The following PRRT3 variants were observed in gnomAD, a reference collection of about 807,000 sequenced individuals.
PRRT3 encodes proline-rich transmembrane protein 3.
A neutral mutation model predicts 56.6 loss-of-function variants in PRRT3; 48 were observed. The observed-to-expected ratio is 0.85, with a 90% confidence interval of 0.67 to 1.08. The LOEUF is 1.08. Ranked by LOEUF, PRRT3 falls within the 50% of genes least tolerant of loss-of-function variation. The pLI, the probability that PRRT3 is intolerant of heterozygous loss-of-function variation, is 0.00. For synonymous variants in PRRT3, 641 were observed against 619.1 expected (o/e 1.04, Z -0.52); for missense variants, 1,370 against 1,353.1 (o/e 1.01, Z -0.20).
Position 9,947,147 on chromosome 3 carries a change from A to C in PRRT3, c.2026T>G (p.Trp676Gly). 1 of 1,537,404 alleles carries C rather than the reference A, an allele frequency of 6.5e-7. No individual in the cohort carries two copies. Among genetic ancestry groups the C allele is most frequent in the Non-Finnish European group, 8.7e-7 (1 of 1,147,382 alleles). The change falls in exon 4 of 4, where the codon TGG becomes GGG. Residue 676 changes from tryptophan to glycine, a missense_variant. Coordinates refer to ENST00000412055, the MANE Select transcript of PRRT3 (RefSeq NM_207351.5). The surrounding 1 kb of genome is among the most constrained non-coding windows in gnomAD (Gnocchi z 9.2). Reference sequence around the variant, plus strand: ...AGGCGCAGCCAGAAGTGGACACCCCACCAGGCCCACGAGAAGCGGCCCACG... The same window carrying C: ...AGGCGCAGCCAGAAGTGGACACCCCCCCAGGCCCACGAGAAGCGGCCCACG... ...GRVGRFSWAW[W>G]GVHFWLRLLE...
chr3:9,947,556 C>A lies in PRRT3; in HGVS notation c.1617G>T (p.Val539=). The change falls in exon 4 of 4, where the codon GTG becomes GTT. Residue 539 remains valine, a synonymous_variant. Coordinates refer to ENST00000412055, the MANE Select transcript of PRRT3 (RefSeq NM_207351.5). This position sits in a 1 kb window ranked among gnomAD's most constrained non-coding sequence, Gnocchi z 9.2. ...GCAAGGGGAAGGGCAGGTTGTAGAG[C>A]ACCAGGCCCCCGCGAACGCCCAGCC... is the stretch of plus-strand genomic sequence containing the variant. ...QARLGVRGGL[V]LYNLPFPLLL... 2 of 1,609,244 alleles carry A rather than the reference C, an allele frequency of 1.2e-6. No individual in the cohort carries two copies. Among genetic ancestry groups the A allele is most frequent in the South Asian group, 2.2e-5 (2 of 90,838 alleles).
Position 9,947,439 on chromosome 3 carries a change from C to T in PRRT3, c.1734G>A (p.Ala578=), listed in dbSNP as rs1301811811. 1 of 1,612,406 alleles carries T rather than the reference C, an allele frequency of 6.2e-7. No homozygotes were observed. Among genetic ancestry groups the T allele is most frequent in the East Asian group, 2.2e-5 (1 of 44,876 alleles). ...LQNPLLLGAV[A]LVHGVGLLAT... ...CGAGCAACCCTACACCATGCACCAG[C>T]GCCACTGCTCCCAGCAGGAGTGGGT... The change falls in exon 4 of 4, where the codon GCG becomes GCA. Residue 578 remains alanine (A), a synonymous_variant. Coordinates refer to ENST00000412055, the MANE Select transcript of PRRT3 (RefSeq NM_207351.5). The surrounding 1 kb of genome is among the most constrained non-coding windows in gnomAD (Gnocchi z 9.2).
rs376873251 is a variant in PRRT3 at position 9,949,221 on chromosome 3, C to G, written c.895G>C (p.Glu299Gln). 1.2e-5 allele frequency: 20 copies of G among 1,605,894 alleles called. No homozygotes were observed. Among genetic ancestry groups the G allele is most frequent in the Non-Finnish European group, 1.6e-5 (19 of 1,176,316 alleles). The change falls in exon 2 of 4, where the codon GAA becomes CAA. Residue 299 changes from glutamate to glutamine, a missense_variant. Transcript: ENST00000412055. The surrounding 1 kb of genome is among the most constrained non-coding windows in gnomAD (Gnocchi z 4.5). Reference sequence around the variant, plus strand: ...GGCGGGGGACCTGGGGAGCTGACTTCCCAGGACACCTCAGCGCCAGCCCTC... The same window carrying G: ...GGCGGGGGACCTGGGGAGCTGACTTGCCAGGACACCTCAGCGCCAGCCCTC... ...PKRAGAEVSW[E>Q]VSSPGPPPKQ...
Position 9,949,626 on chromosome 3 carries a change from T to G in PRRT3, c.490A>C (p.Arg164=). 6.2e-7 allele frequency: 1 copy of G among 1,614,110 alleles called. No homozygotes were observed. Among genetic ancestry groups the G allele is most frequent in the Non-Finnish European group, 8.5e-7 (1 of 1,180,012 alleles). The part of the protein sequence containing the change: ...FIPTTPRRQL[R]VATVPPSLQH... ...AGGGAGGGAGGAACTGTGGCTACCC[T>G]GAGTTGACGTCTGGGAGTTGTGGGG... Residue 164 remains arginine, a synonymous_variant, in exon 2 of 4, where the codon AGG becomes CGG. Transcript: ENST00000412055. This position sits in a 1 kb window ranked among gnomAD's most constrained non-coding sequence, Gnocchi z 4.5.
Position 9,946,740 on chromosome 3 carries a change from G to A in PRRT3, c.2433C>T (p.Asn811=). ...ELDLRPPSPI[N]LSRSIDAALF... ...GCGCGGCGTCGATGCTGCGGCTCAG[G>A]TTGATGGGCGATGGCGGCCGCAGAT... Residue 811 remains asparagine (N), a synonymous_variant, in exon 4 of 4, where the codon AAC becomes AAT. Coordinates refer to ENST00000412055, the MANE Select transcript of PRRT3 (RefSeq NM_207351.5). The surrounding 1 kb of genome is among the most constrained non-coding windows in gnomAD (Gnocchi z 4.1). The A allele has an allele frequency of 6.6e-7, 1 of 1,525,400 alleles. No homozygotes were observed. Among genetic ancestry groups the A allele is most frequent in the Non-Finnish European group, 8.7e-7 (1 of 1,145,436 alleles). The allele number at this position is 1,525,400 out of a possible 1,614,324, so 94.5% of individuals were successfully genotyped here. A position where few individuals can be genotyped will look rare whatever the true frequency, so the allele number is the denominator to read the frequency against.
chr3:9,950,601 C>G (rs2085607569), intron 1 of PRRT3, among the ~76,000 whole-genome samples: 1 of 152,236 alleles, frequency 6.6e-6, no homozygotes, highest in African/African-American at 2.4e-5. Context: ...CTCCCAGGTT[C>G]AAGTGATTCT....
In PRRT3 at chr3:9,947,872, G is replaced by A. The variant is rs770637558; in HGVS notation, c.1301C>T (p.Pro434Leu). 14 of 1,426,992 alleles carry A rather than the reference G, an allele frequency of 9.8e-6. No homozygotes were observed. In the South Asian group the frequency reaches 1.4e-4, roughly 14 times the overall value. The allele number at this position is 1,426,992 out of a possible 1,614,324, so 88.4% of individuals were successfully genotyped here. A position where few individuals can be genotyped will look rare whatever the true frequency, so the allele number is the denominator to read the frequency against. The change falls in exon 4 of 4, where the codon CCG (proline) becomes CTG (leucine). Residue 434 changes from proline to leucine, a missense_variant. Transcript: ENST00000412055. This position sits in a 1 kb window ranked among gnomAD's most constrained non-coding sequence, Gnocchi z 9.2. ...AGCCATGGAGCTGGCGGTGGGCTCCGGAGGGGGAGGCTGGCCCAGGGCTCG... is the reference window on the plus strand; with the variant it reads ...AGCCATGGAGCTGGCGGTGGGCTCCAGAGGGGGAGGCTGGCCCAGGGCTCG... ...TQRALGQPPPPEPTASSMASA... is the reference protein window; with the variant it reads ...TQRALGQPPPLEPTASSMASA...
At position 9,947,346 on chromosome 3, in the gene PRRT3, G is replaced by T; in HGVS notation, c.1827C>A (p.Gly609=). 6.2e-7 allele frequency: 1 copy of T among 1,609,754 alleles called. No individual in the cohort carries two copies. Among genetic ancestry groups the T allele is most frequent in the South Asian group, 1.1e-5 (1 of 90,924 alleles). The part of the protein sequence containing the change: ...LLTQGLSCAW[G]AAVALGTLCL... ...AGAGCGTGCCCAGAGCCACGGCCGC[G>T]CCCCAGGCGCACGACAAGCCCTGCG... The change falls in exon 4 of 4, where the codon GGC becomes GGA. Residue 609 remains glycine (G), a synonymous_variant. Transcript: ENST00000412055. The surrounding 1 kb of genome is among the most constrained non-coding windows in gnomAD (Gnocchi z 9.2).
At chr3:9,948,712 A>G (rs763295175) in intron 3 of PRRT3, 46 bp downstream of exon 3, 48 of 1,611,104 alleles carry the variant, frequency 3.0e-5, no homozygotes, top group Admixed American at 6.7e-5. Context: ...GTTCTCAGTT[A>G]CTAGACAGAG....
chr3:9,946,738 A>G lies in PRRT3; in HGVS notation c.2435T>C (p.Leu812Pro). ...GAGCGCGGCGTCGATGCTGCGGCTCAGGTTGATGGGCGATGGCGGCCGCAG... is the reference window on the plus strand; with the variant it reads ...GAGCGCGGCGTCGATGCTGCGGCTCGGGTTGATGGGCGATGGCGGCCGCAG... ...LDLRPPSPIN[L>P]SRSIDAALFR... is the part of the protein sequence containing the mutation. Residue 812 changes from leucine (L) to proline (P), a missense_variant, in exon 4 of 4, where the codon CTG (leucine) becomes CCG (proline). By Grantham distance (98) the Leu-to-Pro change is moderately conservative (BLOSUM62 -3). Transcript: ENST00000412055. The surrounding 1 kb of genome is among the most constrained non-coding windows in gnomAD (Gnocchi z 4.1). 5 of 1,518,352 alleles carry G rather than the reference A, an allele frequency of 3.3e-6. No homozygotes were observed. Among genetic ancestry groups the G allele is most frequent in the Admixed American group, 2.1e-5 (1 of 48,432 alleles). The allele number at this position is 1,518,352 out of a possible 1,614,324, so 94.1% of individuals were successfully genotyped here.
chr3:9,951,316 C>T (rs1388611013), intron 1 of PRRT3, among the ~76,000 whole-genome samples: 2 of 152,156 alleles, frequency 1.3e-5, no homozygotes, highest in African/African-American at 4.8e-5. Context: ...AGAGGCCCTG[C>T]TCTTTTCCTC....
chr3:9,947,365 C>T lies in PRRT3; in HGVS notation c.1808G>A (p.Gly603Asp), dbSNP rs753664587. ...GGCCGCGCCCCAGGCGCACGACAAGCCCTGCGTCAGGAGGTTGAGCACAGA... is the reference window on the plus strand; with the variant it reads ...GGCCGCGCCCCAGGCGCACGACAAGTCCTGCGTCAGGAGGTTGAGCACAGA... ...TWSVLNLLTQ[G>D]LSCAWGAAVA... Residue 603 changes from glycine to aspartate, a missense_variant, in exon 4 of 4, where the codon GGC (glycine) becomes GAC (aspartate). Gly to Asp is a moderately conservative substitution (Grantham distance 94). Coordinates refer to ENST00000412055, the MANE Select transcript of PRRT3 (RefSeq NM_207351.5). This position sits in a 1 kb window ranked among gnomAD's most constrained non-coding sequence, Gnocchi z 9.2. 6.2e-7 allele frequency: 1 copy of T among 1,611,576 alleles called. No homozygotes were observed. Among genetic ancestry groups the T allele is most frequent in the Non-Finnish European group, 8.5e-7 (1 of 1,179,396 alleles).
Position 9,949,755 on chromosome 3 carries a change from C to T in PRRT3, c.361G>A (p.Gly121Arg), listed in dbSNP as rs748030609. Residue 121 changes from glycine (G) to arginine (R), a missense_variant, in exon 2 of 4, where the codon GGA becomes AGA. Coordinates refer to ENST00000412055, the MANE Select transcript of PRRT3 (RefSeq NM_207351.5). This position sits in a 1 kb window ranked among gnomAD's most constrained non-coding sequence, Gnocchi z 4.5. ...CCTGTCCAGCCGTGGGAGCTTGGTCCTTGAGCCATCTGGAGGTCATCAGTT... is the reference window on the plus strand; with the variant it reads ...CCTGTCCAGCCGTGGGAGCTTGGTCTTTGAGCCATCTGGAGGTCATCAGTT... Reference protein sequence around the residue: ...PVTDDLQMAQGPSSHGWTGPL... With the variant: ...PVTDDLQMAQRPSSHGWTGPL... 1 of 1,614,176 alleles carries T rather than the reference C, an allele frequency of 6.2e-7. No individual in the cohort carries two copies.
intron 1 of PRRT3, among the ~76,000 whole-genome samples, chr3:9,951,949 C>G (rs2085625653): frequency 2.0e-5 from 3 of 152,248 alleles, no homozygotes; most frequent in Admixed American, 2.0e-4. Flanking sequence ...TGCCATCTGC[C>G]TACCACTGCC....
rs776827403 is a variant in PRRT3 at position 9,949,565 on chromosome 3, C to T, written c.551G>A (p.Arg184Lys). ...HEGQEGQWPP[R>K]DEGLKAKTKS... Reference sequence around the variant, plus strand: ...AGTTTTGGCCTTCAGACCCTCATCTCTAGGTGGCCACTGTCCCTCTTGGCC... The same window carrying T: ...AGTTTTGGCCTTCAGACCCTCATCTTTAGGTGGCCACTGTCCCTCTTGGCC... The change falls in exon 2 of 4, where the codon AGA becomes AAA. Residue 184 changes from arginine to lysine, a missense_variant. Arg to Lys is a conservative substitution (Grantham distance 26). Coordinates refer to ENST00000412055, the MANE Select transcript of PRRT3 (RefSeq NM_207351.5). This position sits in a 1 kb window ranked among gnomAD's most constrained non-coding sequence, Gnocchi z 4.5. 8 of 1,614,138 alleles carry T rather than the reference C, an allele frequency of 5.0e-6. No homozygotes were observed. The Middle Eastern group carries it at 6.6e-4, about 133-fold the overall frequency.
chr3:9,945,838 TTTTTTTTTTTTTTG>T lies in PRRT3; in HGVS notation c.*375_*388del, dbSNP rs1559340871. ...GGGGATGCCTTTTTTTTTTTTTTTT[TTTTTTTTTTTTTTG>T]AGACGGAGTCTCACTCTTGTCACCC... is the stretch of plus-strand genomic sequence containing the variant. On this transcript the variant is annotated 3_prime_UTR_variant, in exon 4 of 4. Coordinates refer to ENST00000412055, the MANE Select transcript of PRRT3 (RefSeq NM_207351.5). The T allele has an allele frequency of 7.5e-6, 1 of 133,524 alleles. No homozygotes were observed. The highest frequency in any genetic ancestry group is 1.6e-5 in the Non-Finnish European group (1 of 62,008). The allele number at this position is 133,524 out of a possible 1,614,324, so 8.3% of individuals were successfully genotyped here. A position where few individuals can be genotyped will look rare whatever the true frequency, so the allele number is the denominator to read the frequency against.
Position 9,948,755 on chromosome 3 carries a change from C to T in PRRT3, c.1171+3G>A, listed in dbSNP as rs775786252. ...TCTCCCCACACCCCAGCCATGCTCT[C>T]ACCTGGCTGCAGGGCCCCCATGGGG... On this transcript the variant is annotated splice_donor_region_variant and intron_variant, in intron 3 of 3. Transcript: ENST00000412055. 6.2e-7 allele frequency: 1 copy of T among 1,613,970 alleles called. No homozygotes were observed. Among genetic ancestry groups the T allele is most frequent in the Non-Finnish European group, 8.5e-7 (1 of 1,179,982 alleles).
In PRRT3 at chr3:9,949,337, ACCT is replaced by A. The variant is rs1234374685; in HGVS notation, c.776_778del (p.Glu259del). 1.2e-5 allele frequency: 20 copies of A among 1,613,812 alleles called. No individual in the cohort carries two copies. The highest frequency in any genetic ancestry group is 1.7e-5 in the Non-Finnish European group (20 of 1,179,962). On this transcript the variant is annotated inframe_deletion, in exon 2 of 4. Transcript: ENST00000412055. This position sits in a 1 kb window ranked among gnomAD's most constrained non-coding sequence, Gnocchi z 4.5. ...GGCCCCTGGCTCCTGAGAGTACACC[ACCT>A]CAACTGGGGGTACTGAGCCAACATC...
At position 9,950,056 on chromosome 3, in the gene PRRT3, C is replaced by T; in HGVS notation, c.60G>A (p.Leu20=). The part of the protein sequence containing the change: ...CGLLLLLLPL[L]GTGPALGRGF... ...CCCTCCCCAGGGCAGGGCCAGTCCCCAGGAGTGGCAGCAGCAACAGCAGAA... is the reference window on the plus strand; with the variant it reads ...CCCTCCCCAGGGCAGGGCCAGTCCCTAGGAGTGGCAGCAGCAACAGCAGAA... Residue 20 remains leucine, a synonymous_variant, in exon 2 of 4, where the codon CTG becomes CTA. Transcript: ENST00000412055. 2 of 1,511,294 alleles carry T rather than the reference C, an allele frequency of 1.3e-6. No individual in the cohort carries two copies. The highest frequency in any genetic ancestry group is 1.8e-6 in the Non-Finnish European group (2 of 1,132,368). The allele number at this position is 1,511,294 out of a possible 1,614,324, so 93.6% of individuals were successfully genotyped here.
Sources: allele counts gnomAD v4.1 joint callset (sites outside exome capture counted in the v4.1 genomes callset), GRCh38; gene constraint gnomAD v4.1.1; non-coding constraint Gnocchi (gnomAD v3.1); transcripts MANE v1.5; gene names NCBI Gene and HGNC (gene_info 2026-07-23, HGNC 2026-07-21).